The following FAR2 variants were observed in gnomAD, a reference collection of about 807,000 sequenced individuals.
The protein encoded by FAR2 is fatty acyl-CoA reductase 2.
A neutral mutation model predicts 56.0 loss-of-function variants in FAR2; 19 were observed. That is an observed-to-expected ratio of 0.34 (90% CI 0.24 to 0.50). The LOEUF is 0.50. FAR2 is among the 20% of genes least tolerant of loss of function. The pLI, the probability that FAR2 is intolerant of heterozygous loss-of-function variation, is 0.98. For missense variants in FAR2, 508 were observed against 642.2 expected (o/e 0.79, Z 2.26); for synonymous variants, 219 against 218.8 (o/e 1.00, Z -0.01).
intron 1 of FAR2, among the ~76,000 whole-genome samples, chr12:29,149,729 T>C (rs547453639): frequency 1.8e-4 from 28 of 152,270 alleles, no homozygotes; most frequent in African/African-American, 6.3e-4. Context: ...GCAAGGTTAA[T>C]GTGGGGGGCC....
intron 8 of FAR2, among the ~76,000 whole-genome samples, chr12:29,316,205 A>C (rs1316968545): frequency 6.6e-6 from 1 of 152,206 alleles, no homozygotes; most frequent in Non-Finnish European, 1.5e-5. Context: ...TATCTTTTGG[A>C]AACAACTACT....
chr12:29,301,106 T>G (rs1365223838), intron 4 of FAR2, among the ~76,000 whole-genome samples: 1 of 152,200 alleles, frequency 6.6e-6, no homozygotes, highest in African/African-American at 2.4e-5. Flanking sequence ...TCTAAAAACT[T>G]TTAGCATTAC....
chr12:29,255,572 G>A (rs925096804), intron 1 of FAR2, among the ~76,000 whole-genome samples: 17 of 152,250 alleles, frequency 1.1e-4, no homozygotes, highest in African/African-American at 4.1e-4. Context: ...AGTGCCCACA[G>A]CAAAAGTAGA....
intron 6 of FAR2, among the ~76,000 whole-genome samples, chr12:29,310,115 C>T (rs1216611081): frequency 6.6e-6 from 1 of 152,154 alleles, no homozygotes; most frequent in Non-Finnish European, 1.5e-5. Flanking sequence ...TTCCCACCTG[C>T]CTTCAACTCT....
Position 29,216,371 on chromosome 12 carries a change from G to A in FAR2, c.-38-54041G>A, listed in dbSNP as rs930475902. Reference sequence around the variant, plus strand: ...GTTACCAGGAATTTCCTCCCCTTTGGTTGTTGTCCTTTAGGGCTTTGGTCA... The same window carrying A: ...GTTACCAGGAATTTCCTCCCCTTTGATTGTTGTCCTTTAGGGCTTTGGTCA... On this transcript the variant is annotated intron_variant, in intron 1 of 11. Transcript: ENST00000536681. 5.9e-5 allele frequency among the ~76,000 whole-genome samples: 9 copies of A among 152,294 alleles called. No homozygotes were observed. In the Middle Eastern group the frequency reaches 0.01, roughly 173 times the overall value.
intron 1 of FAR2, among the ~76,000 whole-genome samples, chr12:29,232,855 C>T (rs1947881558): frequency 1.4e-5 from 2 of 139,304 alleles, no homozygotes; most frequent in Middle Eastern, 3.6e-3. Context: ...ACAGAGTGCC[C>T]TTCCCACTCT....
intron 1 of FAR2, among the ~76,000 whole-genome samples, chr12:29,186,602 T>C (rs945399823): frequency 1.3e-5 from 2 of 152,146 alleles, no homozygotes; most frequent in African/African-American, 2.4e-5. Flanking sequence ...AAATGGCCCA[T>C]TTGATAATTC....
At chr12:29,323,086 T>A (rs1000357030) in intron 10 of FAR2, among the ~76,000 whole-genome samples, 2 of 152,220 alleles carry the variant, frequency 1.3e-5, no homozygotes, top group East Asian at 3.9e-4. Flanking sequence ...GCTTAACAAA[T>A]GGCACACCAT....
chr12:29,291,230 G>A (rs1307898559), intron 2 of FAR2, among the ~76,000 whole-genome samples: 1 of 152,158 alleles, frequency 6.6e-6, no homozygotes, highest in East Asian at 1.9e-4. Context: ...CTGAATTTAA[G>A]AACAGACATG....
chr12:29,200,469 GTCT>G (rs1197113965), intron 1 of FAR2, among the ~76,000 whole-genome samples: 2 of 152,214 alleles, frequency 1.3e-5, no homozygotes, highest in African/African-American at 4.8e-5. Flanking sequence ...TCGACAATCA[GTCT>G]TCTTCTAAAT....
Position 29,333,743 on chromosome 12 carries a change from C to CTA in FAR2, c.1498_1499insAT (p.Cys500TyrfsTer21). The CTA allele has an allele frequency of 6.2e-7, 1 of 1,613,856 alleles. No individual in the cohort carries two copies. The highest frequency in any genetic ancestry group is 1.3e-5 in the African/African-American group (1 of 75,018). On this transcript the variant is annotated frameshift_variant, in exon 12 of 12. Transcript: ENST00000536681. LOFTEE classifies it high-confidence loss of function. Reference sequence around the variant, plus strand: ...ATGTCTGGTTCTTCATTGTAAGCTTCTGTTATAAATTCCTCTCCTACTTTA... The same window carrying CTA: ...ATGTCTGGTTCTTCATTGTAAGCTTCTATGTTATAAATTCCTCTCCTACTTTA...
chr12:29,165,748 C>T (rs1949820496), intron 1 of FAR2, among the ~76,000 whole-genome samples: 1 of 152,124 alleles, frequency 6.6e-6, no homozygotes, highest in Non-Finnish European at 1.5e-5. Context: ...AATAGGTAAA[C>T]ATTTGGAGCC....
chr12:29,211,933 G>C (rs1947554345), intron 1 of FAR2, among the ~76,000 whole-genome samples: 1 of 149,960 alleles, frequency 6.7e-6, no homozygotes, highest in Non-Finnish European at 1.5e-5. Context: ...CACACACAGG[G>C]AGAAAACCAT....
intron 7 of FAR2, among the ~76,000 whole-genome samples, chr12:29,311,666 T>TCA (rs61236613): frequency 0.023 from 3,367 of 147,444 alleles, 52 homozygotes; most frequent in Middle Eastern, 0.039. Context: ...AACATCTCTT[T>TCA]CACACACACA....
chr12:29,151,803 T>C (rs1018778925), intron 1 of FAR2: 14 of 152,240 alleles, frequency 9.2e-5, no homozygotes, highest in African/African-American at 3.4e-4. Context: ...AGACAACAGA[T>C]GACACCTTCT....
intron 1 of FAR2, among the ~76,000 whole-genome samples, chr12:29,179,131 C>T (rs948962103): frequency 6.6e-6 from 1 of 152,182 alleles, no homozygotes; most frequent in African/African-American, 2.4e-5. Context: ...CTCATTTTAA[C>T]TGAATTACCT....
intron 1 of FAR2, chr12:29,151,831 G>A (rs964678339): frequency 1.3e-5 from 2 of 152,162 alleles, no homozygotes; most frequent in African/African-American, 2.4e-5. Context: ...TTATTTTCAA[G>A]GTTGTACTAT....
chr12:29,229,683 C>T (rs1454341583), intron 1 of FAR2, among the ~76,000 whole-genome samples: 1 of 152,144 alleles, frequency 6.6e-6, no homozygotes, highest in African/African-American at 2.4e-5. Flanking sequence ...ATTAAAACTC[C>T]TGCCCTCATG....
intron 1 of FAR2, chr12:29,156,701 C>T (rs1319348607): frequency 7.2e-5 from 11 of 151,950 alleles, no homozygotes; most frequent in African/African-American, 2.7e-4. Flanking sequence ...GGGGTGACAG[C>T]CTCAATTTTG....
Sources: gnomAD v4.1 joint callset for allele counts (sites outside exome capture counted in the v4.1 genomes callset) on GRCh38, gnomAD v4.1.1 for gene constraint, MANE v1.5 for transcripts, NCBI Gene and HGNC (gene_info 2026-07-23, HGNC 2026-07-21) for gene names.